Variants in VDAC1 observed in about 807,000 individuals in gnomAD.
VDAC1 encodes the protein voltage dependent anion channel 1.
In VDAC1, 10 loss-of-function variants were observed where a neutral mutation model predicts 34.7. That is an observed-to-expected ratio of 0.29 (90% CI 0.18 to 0.49). The LOEUF (loss-of-function observed/expected upper bound fraction) is 0.49. VDAC1 is among the 20% of genes least tolerant of loss of function. The pLI, the probability that VDAC1 is intolerant of heterozygous loss-of-function variation, is 0.99. For missense variants in VDAC1, 230 were observed against 347.9 expected, an observed-to-expected ratio of 0.66 and a Z score of 2.69; for synonymous variants, 130 against 136.0, an observed-to-expected ratio of 0.96 and a Z score of 0.30.
intron 1 of VDAC1, chr5:134,004,649 C>G (rs1353948062): frequency 6.6e-6 from 1 of 151,950 alleles, no homozygotes; most frequent in Non-Finnish European, 1.5e-5. Flanking sequence ...GCGCCTACCT[C>G]AGAGGATGTG....
chr5:134,108,739 G>A, the VDAC1 span, among the ~76,000 whole-genome samples: 2 of 152,124 alleles, frequency 1.3e-5, no homozygotes, highest in Non-Finnish European at 2.9e-5. Context: ...TGCAGGAACT[G>A]AGACATGAAA....
intron 1 of VDAC1, among the ~76,000 whole-genome samples, chr5:134,001,043 G>A (rs1489433057): frequency 6.6e-6 from 1 of 152,220 alleles, no homozygotes; most frequent in Non-Finnish European, 1.5e-5. Flanking sequence ...TCCACTGCCA[G>A]TTGGCCCGCA....
chr5:134,044,899 C>A, the VDAC1 span, among the ~76,000 whole-genome samples: 3 of 152,228 alleles, frequency 2.0e-5, no homozygotes, highest in African/African-American at 7.2e-5. Context: ...CCATGTGAAA[C>A]CCCCTCAACT....
At chr5:133,994,650 T>C (rs1212543859) in intron 1 of VDAC1, among the ~76,000 whole-genome samples, 1 of 152,160 alleles carries the variant, frequency 6.6e-6, no homozygotes, top group Non-Finnish European at 1.5e-5. Flanking sequence ...AAATACCCTT[T>C]ACCTGACACC....
chr5:134,056,263 A>C, the VDAC1 span, among the ~76,000 whole-genome samples: 3 of 137,174 alleles, frequency 2.2e-5, no homozygotes, highest in Non-Finnish European at 4.7e-5. Flanking sequence ...AAAAAAAAAA[A>C]AGATCTAGGG....
intron 5 of VDAC1, among the ~76,000 whole-genome samples, chr5:133,983,630 C>A (rs1467788367): frequency 6.6e-6 from 1 of 152,106 alleles, no homozygotes; most frequent in African/African-American, 2.4e-5. Context: ...AAAGCCAGCA[C>A]CCCTCCCAAG....
chr5:134,082,844 T>G, the VDAC1 span, among the ~76,000 whole-genome samples: 1 of 152,252 alleles, frequency 6.6e-6, no homozygotes, highest in Non-Finnish European at 1.5e-5. Context: ...TCTTTTCATG[T>G]GCTTGTCAGC....
chr5:134,061,167 CTTT>C, the VDAC1 span, among the ~76,000 whole-genome samples: 5 of 127,076 alleles, frequency 3.9e-5, no homozygotes, highest in Admixed American at 2.4e-4. Flanking sequence ...ATCTAGCCTC[CTTT>C]TTTTTTTTTT....
chr5:133,973,956 A>C, intron 7 of VDAC1, 108 bp from the exon 8 acceptor site: 2 of 951,618 alleles, frequency 2.1e-6, no homozygotes, highest in East Asian at 4.9e-5. Flanking sequence ...TTAGAATCAA[A>C]ATTTTTCATG....
chr5:134,025,936 A>G, the VDAC1 span, among the ~76,000 whole-genome samples: 1 of 152,082 alleles, frequency 6.6e-6, no homozygotes, highest in South Asian at 2.1e-4. Context: ...AGGTTTAGGG[A>G]AAGATGTGAG....
chr5:134,105,291 C>T, the VDAC1 span, among the ~76,000 whole-genome samples: 1 of 152,208 alleles, frequency 6.6e-6, no homozygotes, highest in Admixed American at 6.5e-5. Flanking sequence ...TGCTGCCCCC[C>T]ACTATCCTCA....
chr5:133,997,210 C>T (rs1257678019), intron 1 of VDAC1, among the ~76,000 whole-genome samples: 1 of 152,098 alleles, frequency 6.6e-6, no homozygotes, highest in Admixed American at 6.6e-5. Context: ...CAGCATTAAC[C>T]CTAGTGGCAA....
the VDAC1 span, among the ~76,000 whole-genome samples, chr5:134,102,668 C>A: frequency 3.3e-5 from 5 of 151,940 alleles, no homozygotes; most frequent in South Asian, 1.0e-3. Context: ...AACTCTGTCT[C>A]AAAAAAATAA....
the VDAC1 span, among the ~76,000 whole-genome samples, chr5:134,028,205 T>A: frequency 6.6e-6 from 1 of 152,062 alleles, no homozygotes; most frequent in African/African-American, 2.4e-5. Flanking sequence ...CCATCTCGGC[T>A]CACTGCAACC....
the VDAC1 span, among the ~76,000 whole-genome samples, chr5:134,045,031 C>T: frequency 6.6e-6 from 1 of 152,208 alleles, no homozygotes; most frequent in African/African-American, 2.4e-5. Context: ...GGCCCAGAAA[C>T]TCCCAACAAG....
At chr5:134,098,086 G>T in the VDAC1 span, among the ~76,000 whole-genome samples, 175 of 151,862 alleles carry the variant, frequency 1.2e-3, no homozygotes, top group African/African-American at 4.1e-3. Flanking sequence ...GCCTAGGCTG[G>T]TCTCAAACTC....
At chr5:134,032,124 C>CAAAAAAAAAAAAAAAAAAAAA in the VDAC1 span, among the ~76,000 whole-genome samples, 20 of 36,124 alleles carry the variant, frequency 5.5e-4, 3 homozygotes, top group African/African-American at 1.7e-3. Flanking sequence ...CTCTGCCTCA[C>CAAAAAAAAAAAAAAAAAAAAA]AAAAAAAAAA....
chr5:133,998,288 C>A (rs980293756), intron 1 of VDAC1, among the ~76,000 whole-genome samples: 1 of 152,156 alleles, frequency 6.6e-6, no homozygotes, highest in Non-Finnish European at 1.5e-5. Context: ...GGAAGGAATG[C>A]ACTTCAAATC....
At chr5:134,097,545 A>G in the VDAC1 span, among the ~76,000 whole-genome samples, 1 of 152,246 alleles carries the variant, frequency 6.6e-6, no homozygotes. Flanking sequence ...ACAGATGAGC[A>G]CAGGCGTAGG....
Sources: allele counts gnomAD v4.1 joint callset (sites outside exome capture counted in the v4.1 genomes callset), GRCh38; gene constraint gnomAD v4.1.1; transcripts MANE v1.5; gene names NCBI Gene and HGNC (gene_info 2026-07-23, HGNC 2026-07-21).